ZFPM2: variants seen among roughly 807,000 people sequenced by gnomAD.
The protein encoded by ZFPM2 is zinc finger protein, FOG family member 2, also known as zinc finger protein ZFPM2.
In ZFPM2, 20 loss-of-function variants were observed where a neutral mutation model predicts 98.6. The ratio of observed to expected loss-of-function variants is 0.20; its 90% CI spans 0.14 to 0.29. ZFPM2 has a LOEUF of 0.29. Among genes scored for constraint, ZFPM2 ranks in the 10% least tolerant of loss-of-function variants. ZFPM2 has a pLI of 1.00. For missense variants in ZFPM2, 1,310 were observed against 1,388.6 expected (o/e 0.94, Z 0.90); for synonymous variants, 518 against 502.7 (o/e 1.03, Z -0.41).
chr8:105,760,453 G>A (rs1234825405), intron 5 of ZFPM2, among the ~76,000 whole-genome samples: 2 of 152,008 alleles, frequency 1.3e-5, no homozygotes, highest in Non-Finnish European at 2.9e-5. Context: ...ACTTTTGTAA[G>A]TTTCATAATA....
intron 2 of ZFPM2, among the ~76,000 whole-genome samples, chr8:105,441,161 AAAAC>A (rs370677868): frequency 0.017 from 2,549 of 151,812 alleles, 58 homozygotes; most frequent in African/African-American, 0.055. Flanking sequence ...TCTCAAAACA[AAAAC>A]AAACAAACAA....
chr8:105,624,979 T>C (rs940236142), intron 4 of ZFPM2, among the ~76,000 whole-genome samples: 4 of 152,300 alleles, frequency 2.6e-5, no homozygotes, highest in Admixed American at 6.5e-5. Flanking sequence ...CTCGAAGACA[T>C]TTGTTAGCAG....
At chr8:105,706,478 G>T (rs1055361095) in intron 5 of ZFPM2, among the ~76,000 whole-genome samples, 4 of 152,040 alleles carry the variant, frequency 2.6e-5, no homozygotes, top group African/African-American at 9.7e-5. Context: ...TTTTTGTGTG[G>T]AACTGTGATA....
At chr8:105,536,002 C>CAG (rs529804500) in intron 3 of ZFPM2, among the ~76,000 whole-genome samples, 145 of 152,258 alleles carry the variant, frequency 9.5e-4, no homozygotes, top group African/African-American at 3.2e-3. Flanking sequence ...TAGGCCTTGA[C>CAG]AGAGATCTTT....
At chr8:105,341,408 A>C (rs1396772064) in intron 1 of ZFPM2, among the ~76,000 whole-genome samples, 2 of 151,840 alleles carry the variant, frequency 1.3e-5, no homozygotes, top group Non-Finnish European at 2.9e-5. Context: ...TATACAATAT[A>C]TGTAATATTA....
intron 3 of ZFPM2, among the ~76,000 whole-genome samples, chr8:105,522,093 T>G (rs933328870): frequency 1.3e-5 from 2 of 152,220 alleles, no homozygotes; most frequent in Admixed American, 1.3e-4. Flanking sequence ...TAAATTAGAA[T>G]GAACTATTTA....
intron 3 of ZFPM2, among the ~76,000 whole-genome samples, chr8:105,538,070 A>C (rs1814495519): frequency 6.6e-6 from 1 of 152,100 alleles, no homozygotes; most frequent in Non-Finnish European, 1.5e-5. Context: ...TGCCAATTTA[A>C]ACAGTAGAGG....
intron 1 of ZFPM2, among the ~76,000 whole-genome samples, chr8:105,347,981 T>C (rs1812570484): frequency 1.3e-5 from 2 of 152,200 alleles, no homozygotes; most frequent in South Asian, 4.1e-4. Flanking sequence ...TCCAGTGTGA[T>C]TGACCAACTT....
chr8:105,591,025 A>G (rs1815831220), intron 4 of ZFPM2, among the ~76,000 whole-genome samples: 3 of 152,230 alleles, frequency 2.0e-5, no homozygotes, highest in African/African-American at 7.2e-5. Context: ...TGGGGTAACA[A>G]CTACCCTTGT....
At chr8:105,325,152 C>T (rs1160644711) in intron 1 of ZFPM2, among the ~76,000 whole-genome samples, 1 of 151,806 alleles carries the variant, frequency 6.6e-6, no homozygotes, top group Admixed American at 6.6e-5. Context: ...AGTTCATTCT[C>T]TCATCAAACG....
intron 5 of ZFPM2, among the ~76,000 whole-genome samples, chr8:105,701,042 A>T (rs1364267622): frequency 6.6e-6 from 1 of 152,198 alleles, no homozygotes; most frequent in African/African-American, 2.4e-5. Context: ...TGGGATAATT[A>T]AATACACATT....
chr8:105,465,298 AG>A (rs915053861), intron 3 of ZFPM2, among the ~76,000 whole-genome samples: 21 of 152,070 alleles, frequency 1.4e-4, no homozygotes, highest in Non-Finnish European at 2.2e-4. Flanking sequence ...AATTGAAATT[AG>A]TTCTAAAATG....
intron 1 of ZFPM2, among the ~76,000 whole-genome samples, chr8:105,360,012 A>T (rs1255117604): frequency 6.6e-6 from 1 of 152,230 alleles, no homozygotes; most frequent in East Asian, 1.9e-4. Context: ...GAAGGAAAGC[A>T]ACTGAAGAGC....
At position 105,643,834 on chromosome 8, in the gene ZFPM2, G is replaced by A. The variant is rs78666293; in HGVS notation, c.532+9477G>A. ...AGAAAATGAGAAAGTGGTAGCACAC[G>A]TAATGCTCCAAGGATCACAATTGGA... On this transcript the variant is annotated intron_variant, in intron 5 of 7. Coordinates refer to ENST00000407775, the MANE Select transcript of ZFPM2 (RefSeq NM_012082.4). Among the ~76,000 whole-genome samples the A allele has an allele frequency of 9.8e-3, 1,487 of 152,242 alleles. 11 individuals are homozygous for A. The highest frequency in any genetic ancestry group is 0.017 in the Middle Eastern group (5 of 294).
At chr8:105,513,235 T>G (rs1813852092) in intron 3 of ZFPM2, among the ~76,000 whole-genome samples, 2 of 152,208 alleles carry the variant, frequency 1.3e-5, no homozygotes, top group African/African-American at 4.8e-5. Flanking sequence ...CTACCCTAGA[T>G]ATTTTTTAAG....
At chr8:105,536,720 C>G (rs1421397390) in intron 3 of ZFPM2, among the ~76,000 whole-genome samples, 1 of 152,036 alleles carries the variant, frequency 6.6e-6, no homozygotes, top group African/African-American at 2.4e-5. Flanking sequence ...GCTAGGGAGA[C>G]TTGTATGAAA....
intron 3 of ZFPM2, among the ~76,000 whole-genome samples, chr8:105,495,139 A>T (rs1813435113): frequency 6.6e-6 from 1 of 152,206 alleles, no homozygotes; most frequent in South Asian, 2.1e-4. Flanking sequence ...AGGTCCCACC[A>T]GTCTTCTGTT....
At chr8:105,528,616 C>T (rs894807467) in intron 3 of ZFPM2, among the ~76,000 whole-genome samples, 20 of 151,982 alleles carry the variant, frequency 1.3e-4, no homozygotes, top group East Asian at 7.7e-4. Flanking sequence ...TTGGAGAGAT[C>T]GTGTACAAAT....
At chr8:105,721,390 G>T (rs1374858787) in intron 5 of ZFPM2, among the ~76,000 whole-genome samples, 1 of 151,936 alleles carries the variant, frequency 6.6e-6, no homozygotes, top group Non-Finnish European at 1.5e-5. Context: ...TGTGTTGAAT[G>T]AATGAATTTC....
Sources: allele counts gnomAD v4.1 joint callset (sites outside exome capture counted in the v4.1 genomes callset), GRCh38; gene constraint gnomAD v4.1.1; transcripts MANE v1.5; gene names NCBI Gene and HGNC (gene_info 2026-07-23, HGNC 2026-07-21).